Variants in ARMH1 observed in about 807,000 individuals in gnomAD.
ARMH1 encodes armadillo-like helical domain containing protein 1.
A neutral mutation model predicts 50.2 loss-of-function variants in ARMH1; 34 were observed. The observed-to-expected ratio is 0.68, with a 90% CI of 0.51 to 0.90. The LOEUF (loss-of-function observed/expected upper bound fraction) is 0.90. Ranked by LOEUF, ARMH1 falls within the 40% of genes least tolerant of loss-of-function variation. ARMH1 has a pLI of 0.00. For missense variants in ARMH1, 538 were observed against 553.9 expected (o/e 0.97, Z 0.29); for synonymous variants, 221 against 224.2 (o/e 0.99, Z 0.13).
At chr1:44,677,053 G>A (rs1388696345) in intron 1 of ARMH1, among the ~76,000 whole-genome samples, 4 of 152,212 alleles carry the variant, frequency 2.6e-5, no homozygotes, top group African/African-American at 9.7e-5. Context: ...TTGGTGACAG[G>A]AAGCTGAGGG....
chr1:44,715,472 C>G (rs545135639), intron 6 of ARMH1, among the ~76,000 whole-genome samples: 33 of 152,330 alleles, frequency 2.2e-4, no homozygotes, highest in African/African-American at 6.7e-4. Flanking sequence ...GCTGTGGATT[C>G]CAAAGTTCCT....
chr1:44,675,673 CAA>C (rs928757002), intron 1 of ARMH1, among the ~76,000 whole-genome samples: 1 of 148,278 alleles, frequency 6.7e-6, no homozygotes, highest in Admixed American at 6.7e-5. Flanking sequence ...AAAAACAAAA[CAA>C]AGAGCCCAGT....
chr1:44,710,329 G>A (rs1284331620), intron 6 of ARMH1, among the ~76,000 whole-genome samples: 1 of 152,056 alleles, frequency 6.6e-6, no homozygotes, highest in Non-Finnish European at 1.5e-5. Flanking sequence ...TCACAGATTG[G>A]CCGGGCATGG....
rs1281715792 is a variant in ARMH1 at position 44,681,934 on chromosome 1, G to A, written c.-23+7061G>A. On this transcript the variant is annotated intron_variant, in intron 1 of 11. Coordinates refer to ENST00000535358, the MANE Select transcript of ARMH1 (RefSeq NM_001145636.2). The surrounding 1 kb of genome is among the most constrained non-coding windows in gnomAD (Gnocchi z 4.3). ...TGCATTCCATGTCTCTTCTCTGTGCGCCAACAGAACCTGGGATATATCCCA... is the reference window on the plus strand; with the variant it reads ...TGCATTCCATGTCTCTTCTCTGTGCACCAACAGAACCTGGGATATATCCCA... Among the ~76,000 whole-genome samples the A allele has an allele frequency of 1.6e-4, 24 of 152,100 alleles. No homozygotes were observed. Among genetic ancestry groups the A allele is most frequent in the Admixed American group, 1.4e-3 (21 of 15,278 alleles).
intron 6 of ARMH1, chr1:44,721,911 A>T (rs577171211): frequency 1.9e-4 from 29 of 152,368 alleles, no homozygotes; most frequent in African/African-American, 7.0e-4. Context: ...TCTGCCTGTT[A>T]GCCTTTTGCC....
intron 6 of ARMH1, 44 bp downstream of exon 6, chr1:44,704,217 C>A: frequency 1.4e-6 from 2 of 1,387,336 alleles, no homozygotes; most frequent in Non-Finnish European, 2.0e-6. Context: ...GAGAGCCAGA[C>A]ATATCAGCTC....
rs545385133 is a variant in ARMH1 at position 44,725,088 on chromosome 1, C to G, written c.1129-48C>G. 148 of 1,550,670 alleles carry G rather than the reference C, an allele frequency of 9.5e-5. No homozygotes were observed. In the East Asian group the frequency reaches 3.5e-3, roughly 37 times the overall value. On this transcript the variant is annotated intron_variant, in intron 10 of 11. Transcript: ENST00000535358. ...CCTCTGCCAAGCCCAACTCCAAGTC[C>G]AGACTGCCCTGGCACCCCAGCCGGG...
Position 44,724,775 on chromosome 1 carries a change from T to A in ARMH1, c.1064T>A (p.Met355Lys). 4 of 1,544,144 alleles carry A rather than the reference T, an allele frequency of 2.6e-6. No individual in the cohort carries two copies. Among genetic ancestry groups the A allele is most frequent in the Non-Finnish European group, 3.5e-6 (4 of 1,146,692 alleles). ...ASLTLECFVQ[M>K]FPLVAEHVRK... ...CGCGCGGCGCAGTGCTTCGTGCAGA[T>A]GTTCCCCTTGGTGGCGGAGCACGTG... is the stretch of plus-strand genomic sequence containing the variant. The change falls in exon 10 of 12, where the codon ATG becomes AAG. Residue 355 changes from methionine (M) to lysine (K), a missense_variant. Physicochemically the swap from Met to Lys is moderately conservative, Grantham distance 95. Coordinates refer to ENST00000535358, the MANE Select transcript of ARMH1 (RefSeq NM_001145636.2). This position sits in a 1 kb window ranked among gnomAD's most constrained non-coding sequence, Gnocchi z 6.4.
At position 44,724,056 on chromosome 1, in the gene ARMH1, G is replaced by A. The variant is rs927011837; in HGVS notation, c.725-66G>A. On this transcript the variant is annotated intron_variant, in intron 6 of 11. Transcript: ENST00000535358. This position sits in a 1 kb window ranked among gnomAD's most constrained non-coding sequence, Gnocchi z 6.4. ...TGACGAGTGGCGACTTGGTTCACGG[G>A]GTTCTTTGCTTCCTCGGTGGCGGAG... 4.6e-6 allele frequency: 7 copies of A among 1,520,146 alleles called. No homozygotes were observed. The highest frequency in any genetic ancestry group is 6.2e-6 in the Non-Finnish European group (7 of 1,130,206). 94.2% of individuals were successfully genotyped at this position (1,520,146 alleles called of 1,614,324 possible).
rs75979490 is a variant in ARMH1, at chr1:44,681,610, G to A, written c.-23+6737G>A. On this transcript the variant is annotated intron_variant, in intron 1 of 11. Transcript: ENST00000535358. The surrounding 1 kb of genome is among the most constrained non-coding windows in gnomAD (Gnocchi z 4.3). Reference sequence around the variant, plus strand: ...AGTAGAATGAGGGCCCTGAGAAGGCGGGGTGGATGGAGGCAGAGCTCTGGT... The same window carrying A: ...AGTAGAATGAGGGCCCTGAGAAGGCAGGGTGGATGGAGGCAGAGCTCTGGT... Among the ~76,000 whole-genome samples, 1,291 of 152,254 alleles carry A rather than the reference G, an allele frequency of 8.5e-3. 10 individuals are homozygous for A. The highest frequency in any genetic ancestry group is 0.012 in the Non-Finnish European group (795 of 68,006).
chr1:44,724,720 C>G lies in ARMH1; in HGVS notation c.1051-42C>G. 6.7e-7 allele frequency: 1 copy of G among 1,496,430 alleles called. No homozygotes were observed. The highest frequency in any genetic ancestry group is 1.3e-5 in the South Asian group (1 of 78,394). The allele number at this position is 1,496,430 out of a possible 1,614,324, so 92.7% of individuals were successfully genotyped here. On this transcript the variant is annotated intron_variant, in intron 9 of 11. Coordinates refer to ENST00000535358, the MANE Select transcript of ARMH1 (RefSeq NM_001145636.2). This position sits in a 1 kb window ranked among gnomAD's most constrained non-coding sequence, Gnocchi z 6.4. ...GGGAAGGGCGGCGGCACCCGCAGCC[C>G]CGTCGCCCCCGCAGTCACGCCGCCT...
intron 6 of ARMH1, among the ~76,000 whole-genome samples, chr1:44,716,138 G>A (rs1476706025): frequency 6.8e-6 from 1 of 146,204 alleles, no homozygotes; most frequent in African/African-American, 2.5e-5. Context: ...CAGTCTCCTA[G>A]GTGTCAATTT....
In ARMH1 at chr1:44,724,278, A is replaced by G. The variant is rs1332602951; in HGVS notation, c.847+34A>G. On this transcript the variant is annotated intron_variant, in intron 7 of 11. Transcript: ENST00000535358. The surrounding 1 kb of genome is among the most constrained non-coding windows in gnomAD (Gnocchi z 6.4). ...CTGCTCAAATGGGGCTGCCTGGGCC[A>G]CGGGAGGGCGGTCTCTTGCCTCACG... is the stretch of plus-strand genomic sequence containing the variant. The G allele has an allele frequency of 1.7e-5, 27 of 1,551,002 alleles. No homozygotes were observed. Among genetic ancestry groups the G allele is most frequent in the Non-Finnish European group, 2.4e-5 (27 of 1,146,460 alleles).
chr1:44,721,218 C>G (rs1489039450), intron 6 of ARMH1, among the ~76,000 whole-genome samples: 1 of 152,110 alleles, frequency 6.6e-6, no homozygotes, highest in East Asian at 1.9e-4. Flanking sequence ...GATTATATAA[C>G]TACCAGGTGG....
intron 1 of ARMH1, among the ~76,000 whole-genome samples, chr1:44,684,215 C>CT (rs149567274): frequency 6.6e-6 from 1 of 152,116 alleles, no homozygotes; most frequent in South Asian, 2.1e-4. Flanking sequence ...ACATTTTGGT[C>CT]TTTTTTCCAC....
chr1:44,719,622 G>A (rs780963825), intron 6 of ARMH1, among the ~76,000 whole-genome samples: 1 of 152,192 alleles, frequency 6.6e-6, no homozygotes, highest in Non-Finnish European at 1.5e-5. Context: ...GTTAGAAATC[G>A]CCAGCATGTG....
Position 44,724,849 on chromosome 1 carries a change from C to T in ARMH1, c.1128+10C>T, listed in dbSNP as rs1648040055. The T allele has an allele frequency of 1.3e-6, 2 of 1,522,892 alleles. No individual in the cohort carries two copies. Among genetic ancestry groups the T allele is most frequent in the Admixed American group, 2.0e-5 (1 of 49,824 alleles). The allele number at this position is 1,522,892 out of a possible 1,614,324, so 94.3% of individuals were successfully genotyped here. ...CTACCAGCTCTTCCTGGTAAGTGCG[C>T]CCTTCCTGCCCCGCCGCAATGAGCA... is the stretch of plus-strand genomic sequence containing the variant. On this transcript the variant is annotated intron_variant, in intron 10 of 11. Coordinates refer to ENST00000535358, the MANE Select transcript of ARMH1 (RefSeq NM_001145636.2). This position sits in a 1 kb window ranked among gnomAD's most constrained non-coding sequence, Gnocchi z 6.4.
intron 6 of ARMH1, among the ~76,000 whole-genome samples, chr1:44,711,567 C>T (rs1465530274): frequency 6.6e-6 from 1 of 152,160 alleles, no homozygotes; most frequent in Non-Finnish European, 1.5e-5. Context: ...TTTCTGTGCT[C>T]ATCAAATATA....
chr1:44,718,230 G>C (rs1156392694), intron 6 of ARMH1, among the ~76,000 whole-genome samples: 1 of 152,218 alleles, frequency 6.6e-6, no homozygotes, highest in Non-Finnish European at 1.5e-5. Context: ...GGCACAGGCA[G>C]ACATTTGCCC....
Sources: gnomAD v4.1 joint callset for allele counts (sites outside exome capture counted in the v4.1 genomes callset) on GRCh38, gnomAD v4.1.1 for gene constraint, Gnocchi (gnomAD v3.1) non-coding constraint, MANE v1.5 for transcripts, NCBI Gene and HGNC (gene_info 2026-07-23, HGNC 2026-07-21) for gene names.